FTCDNL1: variants seen among roughly 807,000 people sequenced by gnomAD.
FTCDNL1 encodes formiminotransferase cyclodeaminase N-terminal like, also known as formiminotransferase N-terminal subdomain-containing protein.
A neutral mutation model predicts 5.9 loss-of-function variants in FTCDNL1; 11 were observed. That is an observed-to-expected ratio of 1.87 (90% CI 1.18 to 3.10). The LOEUF is 3.10. Ranked by LOEUF, FTCDNL1 falls within the 30% of genes most tolerant of loss-of-function variation. The pLI is 0.00. For missense variants in FTCDNL1, 115 were observed against 65.5 expected (o/e 1.76, Z -2.61); for synonymous variants, 58 against 24.8 (o/e 2.34, Z -3.99).
chr2:199,734,481 T>C, the FTCDNL1 span, among the ~76,000 whole-genome samples: 1 of 152,242 alleles, frequency 6.6e-6, no homozygotes, highest in African/African-American at 2.4e-5. Flanking sequence ...TTGGAGATTA[T>C]CAAAATTATC....
At chr2:199,702,562 T>G in the FTCDNL1 span, among the ~76,000 whole-genome samples, 1 of 152,164 alleles carries the variant, frequency 6.6e-6, no homozygotes, top group African/African-American at 2.4e-5. Flanking sequence ...GTCAATACAA[T>G]CCTAATCTAA....
At chr2:199,719,910 A>G in the FTCDNL1 span, among the ~76,000 whole-genome samples, 69 of 152,176 alleles carry the variant, frequency 4.5e-4, 4 homozygotes, top group South Asian at 0.014. Context: ...ATGTTTTTCT[A>G]TTTGTTCGTG....
At chr2:199,703,175 AG>A in the FTCDNL1 span, among the ~76,000 whole-genome samples, 1 of 151,960 alleles carries the variant, frequency 6.6e-6, no homozygotes, top group Non-Finnish European at 1.5e-5. Context: ...ATTTAGCATT[AG>A]GTATATCTCC....
Position 199,812,590 on chromosome 2 carries a change from A to G in FTCDNL1, c.*115T>C. The G allele has an allele frequency of 2.0e-6, 1 of 497,362 alleles. No homozygotes were observed. The highest frequency in any genetic ancestry group is 3.3e-5 in the East Asian group (1 of 30,326). 30.8% of individuals were successfully genotyped at this position (497,362 alleles called of 1,614,324 possible). A position where few individuals can be genotyped will look rare whatever the true frequency, so the allele number is the denominator to read the frequency against. ...AACCTGATGTGAAAGTTTGTTTCTC[A>G]GTTTGCAGTTTCGCTCCACTCCCGC... is the stretch of plus-strand genomic sequence containing the variant. On this transcript the variant is annotated 3_prime_UTR_variant, in exon 5 of 5. Transcript: ENST00000420128.
At chr2:199,713,584 C>T in the FTCDNL1 span, among the ~76,000 whole-genome samples, 4 of 152,086 alleles carry the variant, frequency 2.6e-5, no homozygotes, top group African/African-American at 4.8e-5. Context: ...TTTTAAAGTT[C>T]TTAATAATTA....
At chr2:199,834,881 T>C (rs561480929) in intron 3 of FTCDNL1, among the ~76,000 whole-genome samples, 2 of 152,314 alleles carry the variant, frequency 1.3e-5, no homozygotes, top group East Asian at 1.9e-4. Flanking sequence ...TGCTTTCGAT[T>C]GTCAGAAATT....
intron 3 of FTCDNL1, among the ~76,000 whole-genome samples, chr2:199,843,936 T>A (rs1011991716): frequency 3.5e-5 from 5 of 141,730 alleles, no homozygotes; most frequent in African/African-American, 1.3e-4. Context: ...CTTAGAGTTG[T>A]GCACAGGGAA....
At chr2:199,832,349 G>A (rs1338317032) in intron 3 of FTCDNL1, among the ~76,000 whole-genome samples, 1 of 152,058 alleles carries the variant, frequency 6.6e-6, no homozygotes, top group Non-Finnish European at 1.5e-5. Flanking sequence ...AGTTTTGTTG[G>A]GGGAAGGTAC....
At chr2:199,718,149 T>C in the FTCDNL1 span, among the ~76,000 whole-genome samples, 1 of 152,164 alleles carries the variant, frequency 6.6e-6, no homozygotes, top group Non-Finnish European at 1.5e-5. Flanking sequence ...TCTGGGTTTC[T>C]AGTGTGCCCA....
chr2:199,790,081 G>A (rs926755702), intron 3 of FTCDNL1, among the ~76,000 whole-genome samples: 1 of 152,110 alleles, frequency 6.6e-6, no homozygotes, highest in East Asian at 1.9e-4. Context: ...AAAGCAAAGA[G>A]GGTGGGAAGA....
At chr2:199,795,481 C>T (rs1382080470) in intron 3 of FTCDNL1, among the ~76,000 whole-genome samples, 2 of 152,180 alleles carry the variant, frequency 1.3e-5, no homozygotes, top group African/African-American at 4.8e-5. Context: ...ATGGTACTTA[C>T]ATCATATGAA....
chr2:199,815,643 AC>A (rs1315799160), intron 4 of FTCDNL1, among the ~76,000 whole-genome samples: 1 of 152,202 alleles, frequency 6.6e-6, no homozygotes, highest in African/African-American at 2.4e-5. Context: ...TAGATGAATA[AC>A]ATTTCTACCC....
intron 3 of FTCDNL1, among the ~76,000 whole-genome samples, chr2:199,829,178 GT>G (rs923781960): frequency 1.3e-5 from 2 of 151,950 alleles, no homozygotes; most frequent in South Asian, 2.1e-4. Flanking sequence ...TAAAAGACCA[GT>G]TTTTTTTAGG....
At chr2:199,695,707 C>G in the FTCDNL1 span, among the ~76,000 whole-genome samples, 97 of 152,248 alleles carry the variant, frequency 6.4e-4, no homozygotes, top group Non-Finnish European at 9.6e-4. Flanking sequence ...ACCCCACGAC[C>G]CCCACAGACA....
chr2:199,700,111 T>C, the FTCDNL1 span, among the ~76,000 whole-genome samples: 1 of 152,082 alleles, frequency 6.6e-6, no homozygotes, highest in Non-Finnish European at 1.5e-5. Context: ...AATCAAATTA[T>C]CTCTCTTCAT....
chr2:199,731,242 A>G, the FTCDNL1 span, among the ~76,000 whole-genome samples: 20 of 152,194 alleles, frequency 1.3e-4, no homozygotes, highest in Non-Finnish European at 2.4e-4. Context: ...CACCTAACAC[A>G]TGTGGGGCTT....
intron 1 of FTCDNL1, 40 bp from the exon 2 acceptor site, chr2:199,849,009 A>C: frequency 1.5e-6 from 1 of 680,180 alleles, no homozygotes; most frequent in Non-Finnish European, 2.7e-6. Context: ...TCTAGAGTTG[A>C]TTCATATTTT....
chr2:199,683,518 A>G, the FTCDNL1 span, among the ~76,000 whole-genome samples: 4 of 151,714 alleles, frequency 2.6e-5, no homozygotes, highest in South Asian at 8.4e-4. Context: ...TAACACTACC[A>G]GTGATAATCC....
At chr2:199,713,815 T>A in the FTCDNL1 span, among the ~76,000 whole-genome samples, 1 of 152,210 alleles carries the variant, frequency 6.6e-6, no homozygotes, top group Non-Finnish European at 1.5e-5. Flanking sequence ...AATTCCATTA[T>A]TGGACTAATT....
Sources: allele counts gnomAD v4.1 joint callset (sites outside exome capture counted in the v4.1 genomes callset), GRCh38; gene constraint gnomAD v4.1.1; transcripts MANE v1.5; gene names NCBI Gene and HGNC (gene_info 2026-07-23, HGNC 2026-07-21).